Variants in SMCO4 observed in about 807,000 individuals in gnomAD.
The protein encoded by SMCO4 is single-pass membrane and coiled-coil domain-containing protein 4.
In SMCO4, 4 loss-of-function variants were observed where a neutral mutation model predicts 3.6. That is an observed-to-expected ratio of 1.11 (90% CI 0.54 to 2.53). The LOEUF (loss-of-function observed/expected upper bound fraction) is 2.53. Ranked by LOEUF, SMCO4 falls within the 30% of genes most tolerant of loss-of-function variation. The probability of loss-of-function intolerance (pLI) is 0.02; values close to 1 mark genes in which losing one functional copy is unlikely to be tolerated. For synonymous variants in SMCO4, 36 were observed against 35.3 expected, an observed-to-expected ratio of 1.02 and a Z score of -0.07; for missense variants, 70 against 80.8, an observed-to-expected ratio of 0.87 and a Z score of 0.51.
Position 93,536,891 on chromosome 11 carries a change from T to C in SMCO4, c.-154+6385A>G, listed in dbSNP as rs147304525. On this transcript the variant is annotated intron_variant, in intron 1 of 2. Transcript: ENST00000298966. ...ATTTGAACAGGTTTCTATGCTGCAC[T>C]TCCAGGTCTTCCCAAGACTGACAAA... 5.3e-4 allele frequency among the ~76,000 whole-genome samples: 80 copies of C among 152,364 alleles called. 1 individual carries two copies. The highest frequency in any genetic ancestry group is 1.8e-3 in the African/African-American group (74 of 41,596).
intron 1 of SMCO4, among the ~76,000 whole-genome samples, chr11:93,512,787 T>C (rs909644915): frequency 6.6e-6 from 1 of 152,170 alleles, no homozygotes; most frequent in Non-Finnish European, 1.5e-5. Context: ...TGTCATTAAG[T>C]GAGGCATTGA....
intron 1 of SMCO4, among the ~76,000 whole-genome samples, chr11:93,528,537 T>C (rs1949132965): frequency 6.6e-6 from 1 of 152,140 alleles, no homozygotes; most frequent in South Asian, 2.1e-4. Flanking sequence ...GCATGTTGAG[T>C]TCTGGGGAAG....
intron 2 of SMCO4, among the ~76,000 whole-genome samples, chr11:93,493,356 C>T (rs11020379): frequency 6.6e-6 from 1 of 151,910 alleles, no homozygotes; most frequent in Non-Finnish European, 1.5e-5. Context: ...TCACCTTCTA[C>T]TCCACCTTCC....
intron 2 of SMCO4, among the ~76,000 whole-genome samples, chr11:93,484,402 G>C (rs903540996): frequency 6.6e-6 from 1 of 152,182 alleles, no homozygotes; most frequent in Non-Finnish European, 1.5e-5. Context: ...TTAAGGAATG[G>C]TAGGAACACA....
upstream of SMCO4, among the ~76,000 whole-genome samples, chr11:93,547,491 GT>G (rs1477932590): frequency 6.6e-6 from 1 of 151,972 alleles, no homozygotes; most frequent in African/African-American, 2.4e-5. Context: ...GACACTCCTT[GT>G]TTTTTTCACT....
At chr11:93,514,410 AT>A (rs1565383088) in intron 1 of SMCO4, among the ~76,000 whole-genome samples, 32 of 34,994 alleles carry the variant, frequency 9.1e-4, no homozygotes, top group Non-Finnish European at 1.7e-3. Context: ...ATATATATAT[AT>A]ATATATATAT....
chr11:93,534,373 T>TAGAGAGAGAGAGAGAG (rs559386704), intron 1 of SMCO4, among the ~76,000 whole-genome samples: 7 of 134,184 alleles, frequency 5.2e-5, no homozygotes, highest in African/African-American at 2.0e-4. Flanking sequence ...TATATATATA[T>TAGAGAGAGAGAGAGAG]ATAGAGAGAG....
intron 1 of SMCO4, among the ~76,000 whole-genome samples, chr11:93,504,097 A>C (rs1241789159): frequency 6.6e-6 from 1 of 152,242 alleles, no homozygotes; most frequent in Non-Finnish European, 1.5e-5. Flanking sequence ...CCAAATTTCT[A>C]CAATTAGTCT....
intron 1 of SMCO4, among the ~76,000 whole-genome samples, chr11:93,512,580 A>G (rs1245952308): frequency 6.6e-6 from 1 of 152,226 alleles, no homozygotes; most frequent in Non-Finnish European, 1.5e-5. Context: ...AGATACACAA[A>G]TGCTTACCAT....
intron 2 of SMCO4, among the ~76,000 whole-genome samples, chr11:93,495,668 G>A (rs958936322): frequency 6.6e-6 from 1 of 152,168 alleles, no homozygotes; most frequent in African/African-American, 2.4e-5. Context: ...CAAAATATGT[G>A]GGTGGGGGAT....
chr11:93,544,009 A>C (rs140042313), upstream of SMCO4, among the ~76,000 whole-genome samples: 54 of 152,350 alleles, frequency 3.5e-4, no homozygotes, highest in African/African-American at 1.2e-3. Flanking sequence ...CCAGCGCCAA[A>C]TCCGCAAGAG....
At chr11:93,527,863 A>ACTCC (rs552159439) in intron 1 of SMCO4, among the ~76,000 whole-genome samples, 8 of 151,374 alleles carry the variant, frequency 5.3e-5, no homozygotes, top group Non-Finnish European at 1.0e-4. Flanking sequence ...TAGCCCTCAA[A>ACTCC]CTCCTGGGTT....
chr11:93,544,951 C>T (rs561083667), upstream of SMCO4, among the ~76,000 whole-genome samples: 154 of 152,262 alleles, frequency 1.0e-3, no homozygotes, highest in African/African-American at 3.6e-3. Context: ...GGGGAACACG[C>T]GTGTGTGAGG....
At chr11:93,532,557 G>A (rs565234506) in intron 1 of SMCO4, among the ~76,000 whole-genome samples, 36 of 152,322 alleles carry the variant, frequency 2.4e-4, no homozygotes, top group African/African-American at 8.2e-4. Context: ...CCAAAGTCAT[G>A]TGAGCCAATT....
At chr11:93,497,521 G>A (rs973762952) in intron 2 of SMCO4, among the ~76,000 whole-genome samples, 1 of 152,154 alleles carries the variant, frequency 6.6e-6, no homozygotes, top group African/African-American at 2.4e-5. Context: ...GCTGAGGGTG[G>A]AGGGAGCACC....
In SMCO4 at chr11:93,516,877, C is replaced by A. The variant is rs533424796; in HGVS notation, c.-153-17529G>T. ...AGTATCCTAATATTAGAAATCTCTA[C>A]AATTGTGTGCTAAGAAGAAACAAAA... is the stretch of plus-strand genomic sequence containing the variant. On this transcript the variant is annotated intron_variant, in intron 1 of 2. Transcript: ENST00000298966. Among the ~76,000 whole-genome samples, 38 of 152,222 alleles carry A rather than the reference C, an allele frequency of 2.5e-4. 1 individual carries two copies. The highest frequency in any genetic ancestry group is 8.7e-4 in the African/African-American group (36 of 41,532).
intron 1 of SMCO4, among the ~76,000 whole-genome samples, chr11:93,532,339 T>C (rs12419851): frequency 0.018 from 2,807 of 152,322 alleles, 120 homozygotes; most frequent in East Asian, 0.14. Context: ...CAGAACAGAC[T>C]GGTATTTGAA....
intron 1 of SMCO4, among the ~76,000 whole-genome samples, chr11:93,539,492 A>G (rs772107395): frequency 9.2e-5 from 14 of 152,238 alleles, no homozygotes; most frequent in Non-Finnish European, 1.8e-4. Context: ...TAGGAAGATG[A>G]CATTTCAAAA....
chr11:93,505,232 C>CA (rs1948888206), intron 1 of SMCO4, among the ~76,000 whole-genome samples: 1 of 152,088 alleles, frequency 6.6e-6, no homozygotes, highest in Non-Finnish European at 1.5e-5. Context: ...ATGAGTAAAA[C>CA]AAAAAACAAA....
Sources: gnomAD v4.1 joint callset for allele counts (sites outside exome capture counted in the v4.1 genomes callset) on GRCh38, gnomAD v4.1.1 for gene constraint, MANE v1.5 for transcripts, NCBI Gene and HGNC (gene_info 2026-07-23, HGNC 2026-07-21) for gene names.